The following ADCY2 variants were observed in gnomAD, a reference collection of about 807,000 sequenced individuals.
The protein encoded by ADCY2 is adenylate cyclase type 2.
In ADCY2, 31 loss-of-function variants were observed where a neutral mutation model predicts 125.2. That is an observed-to-expected ratio of 0.25 (90% CI 0.19 to 0.33). ADCY2 has a LOEUF of 0.33. Ranked by LOEUF, ADCY2 falls within the 10% of genes least tolerant of loss-of-function variation. The probability of loss-of-function intolerance (pLI) is 1.00; values close to 1 mark genes in which losing one functional copy is unlikely to be tolerated. For synonymous variants in ADCY2, 512 were observed against 548.4 expected (o/e 0.93, Z 0.93); for missense variants, 904 against 1,418.2 (o/e 0.64, Z 5.82).
At position 7,401,121 on chromosome 5, in the gene ADCY2, C is replaced by T. The variant is rs368047096; in HGVS notation, c.210+4615C>T. On this transcript the variant is annotated intron_variant, in intron 1 of 24. Coordinates refer to ENST00000338316, the MANE Select transcript of ADCY2 (RefSeq NM_020546.3). Reference sequence around the variant, plus strand: ...CCTTGTTTGTAAAATGGCATGGTACCTGCCTTGTAAGCTGATGTCCTCAAT... The same window carrying T: ...CCTTGTTTGTAAAATGGCATGGTACTTGCCTTGTAAGCTGATGTCCTCAAT... Among the ~76,000 whole-genome samples, 5 of 152,288 alleles carry T rather than the reference C, an allele frequency of 3.3e-5. No homozygotes were observed. The East Asian group carries it at 5.8e-4, about 18-fold the overall frequency.
chr5:7,466,799 A>G (rs1464981965), intron 2 of ADCY2, among the ~76,000 whole-genome samples: 1 of 152,198 alleles, frequency 6.6e-6, no homozygotes, highest in Non-Finnish European at 1.5e-5. Context: ...AATAGCAAGT[A>G]ACAAGCACAC....
At chr5:7,778,983 T>C (rs907571975) in intron 18 of ADCY2, among the ~76,000 whole-genome samples, 5 of 152,232 alleles carry the variant, frequency 3.3e-5, no homozygotes, top group African/African-American at 9.6e-5. Context: ...CAAGTTAATA[T>C]TGAAAATATT....
chr5:7,487,741 A>G (rs1742994556), intron 2 of ADCY2, among the ~76,000 whole-genome samples: 1 of 152,240 alleles, frequency 6.6e-6, no homozygotes, highest in Non-Finnish European at 1.5e-5. Context: ...TGCTGGGAGA[A>G]GATGAAGATT....
chr5:7,762,554 C>T (rs1238960245), intron 16 of ADCY2, among the ~76,000 whole-genome samples: 4 of 152,132 alleles, frequency 2.6e-5, no homozygotes, highest in African/African-American at 9.7e-5. Flanking sequence ...TCCTGTCACT[C>T]ATGTCAGGAA....
chr5:7,636,354 A>G (rs1460413291), intron 4 of ADCY2, among the ~76,000 whole-genome samples: 2 of 152,124 alleles, frequency 1.3e-5, no homozygotes, highest in Non-Finnish European at 2.9e-5. Context: ...TCAGGTTTCT[A>G]ATCGGTGGGT....
intron 4 of ADCY2, among the ~76,000 whole-genome samples, chr5:7,659,750 G>A (rs1174093643): frequency 1.3e-5 from 2 of 152,220 alleles, no homozygotes; most frequent in Non-Finnish European, 2.9e-5. Flanking sequence ...ATTCCTAGGA[G>A]TAGTTGGAAA....
intron 4 of ADCY2, among the ~76,000 whole-genome samples, chr5:7,647,966 G>A (rs1334103681): frequency 6.6e-6 from 1 of 152,160 alleles, no homozygotes; most frequent in Admixed American, 6.5e-5. Context: ...TGGGGAAAAG[G>A]CGCAATGCCA....
chr5:7,407,938 G>A lies in ADCY2; in HGVS notation c.211-6635G>A, dbSNP rs114745408. Reference sequence around the variant, plus strand: ...AGCTGGAGTACAGTGGCACAATTTCGGCTCACTGAAACCTCCGCCTCCTGG... The same window carrying A: ...AGCTGGAGTACAGTGGCACAATTTCAGCTCACTGAAACCTCCGCCTCCTGG... On this transcript the variant is annotated intron_variant, in intron 1 of 24. Coordinates refer to ENST00000338316, the MANE Select transcript of ADCY2 (RefSeq NM_020546.3). 3.1e-3 allele frequency among the ~76,000 whole-genome samples: 451 copies of A among 147,722 alleles called. 2 individuals carry two copies. The highest frequency in any genetic ancestry group is 0.011 in the African/African-American group (428 of 39,912).
chr5:7,726,870 A>G (rs1192599084), intron 13 of ADCY2, among the ~76,000 whole-genome samples: 2 of 152,096 alleles, frequency 1.3e-5, no homozygotes, highest in African/African-American at 2.4e-5. Context: ...CACTCACTCA[A>G]CCTTCTGGTC....
intron 2 of ADCY2, among the ~76,000 whole-genome samples, chr5:7,421,560 A>C (rs574894505): frequency 6.6e-6 from 1 of 152,208 alleles, no homozygotes; most frequent in African/African-American, 2.4e-5. Context: ...CCCTGTTTCC[A>C]AATAAGGTTA....
At chr5:7,669,485 A>T (rs992981444) in intron 4 of ADCY2, among the ~76,000 whole-genome samples, 6 of 152,202 alleles carry the variant, frequency 3.9e-5, no homozygotes, top group African/African-American at 1.4e-4. Context: ...AAAACTTGGT[A>T]TCCCTGGCCA....
chr5:7,506,835 T>C (rs1743838038), intron 2 of ADCY2, among the ~76,000 whole-genome samples: 1 of 122,880 alleles, frequency 8.1e-6, no homozygotes, highest in Admixed American at 1.0e-4. Flanking sequence ...TCACCCAGGC[T>C]GGAGTGCAGT....
chr5:7,774,291 C>A lies in ADCY2; in HGVS notation c.2384+1190C>A, dbSNP rs1579419749. ...AATCAAGCTTAAGGCAGTGGGGTTG[C>A]AAAAATGCATAATTATATTTATGAT... is the stretch of plus-strand genomic sequence containing the variant. On this transcript the variant is annotated intron_variant, in intron 18 of 24. Transcript: ENST00000338316. 3.9e-5 allele frequency among the ~76,000 whole-genome samples: 6 copies of A among 152,082 alleles called. No homozygotes were observed. The South Asian group carries it at 1.2e-3, about 32-fold the overall frequency.
At chr5:7,670,553 G>A (rs1379507213) in intron 4 of ADCY2, among the ~76,000 whole-genome samples, 1 of 152,106 alleles carries the variant, frequency 6.6e-6, no homozygotes, top group Non-Finnish European at 1.5e-5. Flanking sequence ...ATGCTCAATG[G>A]TACATGGAAT....
chr5:7,571,900 T>A (rs1344153913), intron 3 of ADCY2, among the ~76,000 whole-genome samples: 1 of 152,224 alleles, frequency 6.6e-6, no homozygotes, highest in Non-Finnish European at 1.5e-5. Flanking sequence ...TTCAGTTTTC[T>A]GTTTTTGCAT....
intron 15 of ADCY2, among the ~76,000 whole-genome samples, chr5:7,756,191 A>T (rs1417812599): frequency 2.0e-5 from 3 of 152,234 alleles, no homozygotes; most frequent in Admixed American, 1.3e-4. Context: ...AGTTGATGTC[A>T]CCCACAGTTC....
At chr5:7,611,565 G>A (rs1242237390) in intron 3 of ADCY2, among the ~76,000 whole-genome samples, 1 of 152,038 alleles carries the variant, frequency 6.6e-6, no homozygotes, top group East Asian at 1.9e-4. Context: ...AATTCTAGTA[G>A]GCTTGGATGG....
chr5:7,538,855 CTTTTCTTTTCTTTTTTTT>C (rs1410527156), intron 3 of ADCY2, among the ~76,000 whole-genome samples: 1 of 136,040 alleles, frequency 7.4e-6, no homozygotes, highest in Non-Finnish European at 1.6e-5. Flanking sequence ...TTTTTCTTTT[CTTTTCTTTTCTTTTTTTT>C]TTTTTTTTGA....
rs1460618278 is a variant in ADCY2, at chr5:7,829,688, G to C, written c.*2817G>C. 1.3e-5 allele frequency: 2 copies of C among 152,330 alleles called. No individual in the cohort carries two copies. The highest frequency in any genetic ancestry group is 4.1e-4 in the South Asian group (2 of 4,826). 9.4% of individuals were successfully genotyped at this position (152,330 alleles called of 1,614,324 possible). The stretch of plus-strand genomic sequence containing the variant: ...ATCTGTTTAGGAGTGTCTAAGTTTT[G>C]TCATCAATCCAGGATGTTATTCTTC... On this transcript the variant is annotated 3_prime_UTR_variant, in exon 25 of 25. Transcript: ENST00000338316.
Sources: allele counts gnomAD v4.1 joint callset (sites outside exome capture counted in the v4.1 genomes callset), GRCh38; gene constraint gnomAD v4.1.1; transcripts MANE v1.5; gene names NCBI Gene and HGNC (gene_info 2026-07-23, HGNC 2026-07-21).